Variants in CUL4A observed in about 807,000 individuals in gnomAD.
The protein encoded by CUL4A is cullin 4A.
CUL4A carries 16 observed loss-of-function variants against 95.5 expected under a neutral mutation model. The observed-to-expected ratio is 0.17, with a 90% CI of 0.11 to 0.25. The LOEUF (loss-of-function observed/expected upper bound fraction) is 0.25, where lower values mean the gene tolerates loss of function less well. Ranked by LOEUF, CUL4A falls within the 10% of genes least tolerant of loss-of-function variation. The probability of loss-of-function intolerance (pLI) is 1.00; values close to 1 mark genes in which losing one functional copy is unlikely to be tolerated. For missense variants in CUL4A, 610 were observed against 937.0 expected (o/e 0.65, Z 4.56); for synonymous variants, 380 against 353.1 (o/e 1.08, Z -0.85).
intron 15 of CUL4A, among the ~76,000 whole-genome samples, chr13:113,251,406 TC>T (rs2041991172): frequency 1.3e-5 from 2 of 152,206 alleles, no homozygotes; most frequent in South Asian, 4.1e-4. Flanking sequence ...TTTCACGCTT[TC>T]TTTGTCCCAA....
At chr13:113,259,959 A>G (rs1346982259) in intron 18 of CUL4A, among the ~76,000 whole-genome samples, 1 of 151,630 alleles carries the variant, frequency 6.6e-6, no homozygotes, top group Non-Finnish European at 1.5e-5. Context: ...TAATCCCAGC[A>G]CTTTGGGAGG....
chr13:113,244,838 TC>T (rs2041816699), intron 12 of CUL4A, 110 bp from the exon 13 acceptor site: 1 of 655,812 alleles, frequency 1.5e-6, no homozygotes, highest in Non-Finnish European at 2.5e-6. Flanking sequence ...AGACTCTGTC[TC>T]AAAAAAAAAA....
chr13:113,215,781 CTGTGTGGCTGTGGAGGT>C (rs2040653898), intron 2 of CUL4A, among the ~76,000 whole-genome samples: 1 of 105,496 alleles, frequency 9.5e-6, no homozygotes, highest in Non-Finnish European at 2.1e-5. Flanking sequence ...GAGGTCTCGT[CTGTGTGGCTGTGGAGGT>C]CGCTGTGTGA....
At chr13:113,219,116 G>C in intron 3 of CUL4A, 68 bp downstream of exon 3, 1 of 940,058 alleles carries the variant, frequency 1.1e-6, no homozygotes, top group Non-Finnish European at 1.6e-6. Context: ...ACATTATTAT[G>C]ATAAAGAGCT....
At chr13:113,220,301 G>C (rs982277996) in intron 3 of CUL4A, among the ~76,000 whole-genome samples, 3 of 152,226 alleles carry the variant, frequency 2.0e-5, no homozygotes, top group Non-Finnish European at 4.4e-5. Flanking sequence ...GTCGGTTCCA[G>C]CTCTGTTGTG....
At chr13:113,244,177 A>G (rs1223952489) in intron 11 of CUL4A, 8 of 404,586 alleles carry the variant, frequency 2.0e-5, no homozygotes, top group Middle Eastern at 6.6e-4. Flanking sequence ...TAAAGATAAG[A>G]AAGATATTTA....
intron 5 of CUL4A, among the ~76,000 whole-genome samples, chr13:113,232,035 G>GTCACCACCACCCGCCCACCACCATTA (rs1566342732): frequency 1.4e-5 from 1 of 70,628 alleles, no homozygotes; most frequent in African/African-American, 5.7e-5. Flanking sequence ...CACCATTACT[G>GTCACCACCACCCGCCCACCACCATTA]CTGCCACCAC....
Position 113,256,926 on chromosome 13 carries a change from G to GTTT in CUL4A, c.2031+1822_2031+1824dup, listed in dbSNP as rs951070829. Among the ~76,000 whole-genome samples, 292 of 47,372 alleles carry GTTT rather than the reference G, an allele frequency of 6.2e-3. 7 individuals carry two copies. The highest frequency in any genetic ancestry group is 6.8e-3 in the Non-Finnish European group (189 of 27,930). The allele number at this position is 47,372 out of a possible 152,430, so 31.1% of individuals were successfully genotyped here. A position where few individuals can be genotyped will look rare whatever the true frequency, so the allele number is the denominator to read the frequency against. Reference sequence around the variant, plus strand: ...AATGCTTTGTCCCTTTTTTTTTTTCGTTTTTTTTTTTTTTTTTTTTTTTGC... The same window carrying GTTT: ...AATGCTTTGTCCCTTTTTTTTTTTCGTTTTTTTTTTTTTTTTTTTTTTTTTTGC... On this transcript the variant is annotated intron_variant, in intron 18 of 19. Coordinates refer to ENST00000375440, the MANE Select transcript of CUL4A (RefSeq NM_001008895.4).
chr13:113,227,894 C>T (rs1266599031), intron 3 of CUL4A, 82 bp from the exon 4 acceptor site: 13 of 827,560 alleles, frequency 1.6e-5, no homozygotes, highest in East Asian at 1.4e-4. Flanking sequence ...GGCGACAGAG[C>T]GAGACTCCAT....
In CUL4A at chr13:113,209,721, G is replaced by T; in HGVS notation, c.94G>T (p.Ala32Ser). The change falls in exon 1 of 20, where the codon GCC (alanine) becomes TCC (serine). Residue 32 changes from alanine (A) to serine (S), a missense_variant. Ala to Ser is a moderately conservative substitution (Grantham distance 99). Around this residue, in one of 10 missense-constraint regions of CUL4A, gnomAD observed 168 missense variants for 185.5 expected, o/e 0.91. Transcript: ENST00000375440. Reference protein sequence around the residue: ...TKPAALAAAPAKPGGAGGSKK... With the variant: ...TKPAALAAAPSKPGGAGGSKK... The stretch of plus-strand genomic sequence containing the variant: ...GCCCGCGGCCCTGGCCGCCGCGCCC[G>T]CCAAGCCGGGGGGCGCGGGCGGCTC... 4.3e-6 allele frequency: 5 copies of T among 1,160,964 alleles called. No individual in the cohort carries two copies. Among genetic ancestry groups the T allele is most frequent in the Non-Finnish European group, 5.3e-6 (5 of 942,726 alleles). 71.9% of individuals were successfully genotyped at this position (1,160,964 alleles called of 1,614,324 possible).
chr13:113,245,383 A>G, intron 14 of CUL4A, 146 bp downstream of exon 14: 1 of 726,164 alleles, frequency 1.4e-6, no homozygotes, highest in Non-Finnish European at 2.3e-6. Context: ...TCAACATAGC[A>G]AGACCCAGTC....
chr13:113,209,966 C>G lies in CUL4A; in HGVS notation c.149-7C>G, dbSNP rs2040312007. 4.7e-6 allele frequency: 7 copies of G among 1,502,804 alleles called. No individual in the cohort carries two copies. Among genetic ancestry groups the G allele is most frequent in the Non-Finnish European group, 6.2e-6 (7 of 1,127,320 alleles). 93.1% of individuals were successfully genotyped at this position (1,502,804 alleles called of 1,614,324 possible). ...CCTGAGCCGCCCGCTCTCCCTCCGC[C>G]CTGCAGACAGACCTCGGCTGCCCGA... is the stretch of plus-strand genomic sequence containing the variant. On this transcript the variant is annotated splice_region_variant and splice_polypyrimidine_tract_variant and intron_variant, in intron 1 of 19. Coordinates refer to ENST00000375440, the MANE Select transcript of CUL4A (RefSeq NM_001008895.4).
chr13:113,222,458 C>T (rs1162692557), intron 3 of CUL4A, among the ~76,000 whole-genome samples: 4 of 151,866 alleles, frequency 2.6e-5, no homozygotes, highest in African/African-American at 9.7e-5. Context: ...CGGGGAGGGT[C>T]TGTCGTGGTC....
chr13:113,254,819 A>G (rs1487544654), intron 17 of CUL4A, 21 bp downstream of exon 17: 13 of 1,599,132 alleles, frequency 8.1e-6, no homozygotes, highest in Non-Finnish European at 1.1e-5. Context: ...TGCAGAGTGC[A>G]TAGCTCCATG....
intron 3 of CUL4A, chr13:113,219,291 T>C (rs1192392095): frequency 3.0e-5 from 12 of 395,546 alleles, no homozygotes; most frequent in Non-Finnish European, 5.4e-5. Context: ...TTCTGAAAAA[T>C]GTCTTCAAGT....
At chr13:113,216,627 A>G (rs538568960) in intron 2 of CUL4A, among the ~76,000 whole-genome samples, 1 of 152,344 alleles carries the variant, frequency 6.6e-6, no homozygotes, top group African/African-American at 2.4e-5. Flanking sequence ...CACCAACATG[A>G]AGCACACAGT....
upstream of CUL4A, chr13:113,208,840 T>A: frequency 1.4e-6 from 2 of 1,406,284 alleles, no homozygotes; most frequent in Non-Finnish European, 9.2e-7. Context: ...GGCCCCGTCC[T>A]CTCAGCCGGG....
intron 3 of CUL4A, 40 bp from the exon 4 acceptor site, chr13:113,227,936 T>C (rs1237676644): frequency 7.6e-7 from 1 of 1,308,224 alleles, no homozygotes; most frequent in South Asian, 1.3e-5. Context: ...AATAATTAAA[T>C]TGGCCAGCAT....
chr13:113,244,916 A>G (rs750106428), intron 12 of CUL4A, 33 bp from the exon 13 acceptor site: 59 of 1,327,158 alleles, frequency 4.4e-5, no homozygotes, highest in Non-Finnish European at 5.9e-5. Flanking sequence ...CAACTCTCTG[A>G]TGTCTTGATT....
Sources: allele counts gnomAD v4.1 joint callset (sites outside exome capture counted in the v4.1 genomes callset), GRCh38; gene constraint gnomAD v4.1.1; regional missense constraint gnomAD v4.1.1; transcripts MANE v1.5; gene names NCBI Gene and HGNC (gene_info 2026-07-23, HGNC 2026-07-21).